Variants in TCF7L1 observed in about 807,000 individuals in gnomAD.
TCF7L1 encodes the protein transcription factor 7-like 1.
TCF7L1 carries 18 observed loss-of-function variants against 63.7 expected under a neutral mutation model. The observed-to-expected ratio is 0.28, with a 90% CI of 0.20 to 0.42. The LOEUF is 0.42. Ranked by LOEUF, TCF7L1 falls within the 10% of genes least tolerant of loss-of-function variation. TCF7L1 has a pLI of 1.00. For missense variants in TCF7L1, 654 were observed against 779.3 expected (o/e 0.84, Z 1.91); for synonymous variants, 355 against 340.9 (o/e 1.04, Z -0.46).
At position 85,254,565 on chromosome 2, in the gene TCF7L1, G is replaced by A. The variant is rs558221519; in HGVS notation, c.442-28930G>A. Among the ~76,000 whole-genome samples, 11 of 152,280 alleles carry A rather than the reference G, an allele frequency of 7.2e-5. No homozygotes were observed. In the South Asian group the frequency reaches 8.3e-4, roughly 11 times the overall value. On this transcript the variant is annotated intron_variant, in intron 3 of 11. Coordinates refer to ENST00000282111, the MANE Select transcript of TCF7L1 (RefSeq NM_031283.3). Reference sequence around the variant, plus strand: ...TAGCAAAGGTAAACTCCAGCACCCCGATCCACATTAATGAGTTTTGCCTGT... The same window carrying A: ...TAGCAAAGGTAAACTCCAGCACCCCAATCCACATTAATGAGTTTTGCCTGT...
intron 8 of TCF7L1, 113 bp downstream of exon 8, chr2:85,305,516 G>A: frequency 1.5e-6 from 2 of 1,317,138 alleles, no homozygotes; most frequent in Middle Eastern, 2.6e-4. Flanking sequence ...CACTCAGCAG[G>A]CATCACAGCC....
intron 3 of TCF7L1, among the ~76,000 whole-genome samples, chr2:85,240,774 C>CT (rs1680302387): frequency 7.4e-6 from 1 of 134,918 alleles, no homozygotes; most frequent in Admixed American, 7.1e-5. Context: ...AGACTCTTGC[C>CT]TCAAAAAAAA....
intron 3 of TCF7L1, among the ~76,000 whole-genome samples, chr2:85,252,694 A>T (rs879487357): frequency 7.9e-5 from 12 of 152,222 alleles, no homozygotes; most frequent in Non-Finnish European, 1.5e-4. Context: ...ATCAGAGTAG[A>T]GTAAGTGTGT....
intron 3 of TCF7L1, among the ~76,000 whole-genome samples, chr2:85,243,761 C>T (rs1379210345): frequency 6.6e-6 from 1 of 152,158 alleles, no homozygotes; most frequent in Non-Finnish European, 1.5e-5. Context: ...GAGCCATCCA[C>T]TACGTGCCAG....
intron 3 of TCF7L1, among the ~76,000 whole-genome samples, chr2:85,138,600 G>T (rs1677650047): frequency 6.6e-6 from 1 of 152,138 alleles, no homozygotes; most frequent in Non-Finnish European, 1.5e-5. Context: ...CCCTTGGATT[G>T]CTGGGGTGAT....
Position 85,309,144 on chromosome 2 carries a change from T to A in TCF7L1, c.1449T>A (p.Ser483=), listed in dbSNP as rs764181624. The A allele has an allele frequency of 1.2e-5, 20 of 1,611,920 alleles. 1 individual carries two copies. In the South Asian group the frequency reaches 2.2e-4, roughly 18 times the overall value. The change falls in exon 12 of 12, where the codon TCT becomes TCA. Residue 483 remains serine, a synonymous_variant. Transcript: ENST00000282111. ...GSMLDSPATP[S]AALASPAAPA... is the part of the protein sequence containing the mutation. ...TGCTGGACTCCCCGGCCACTCCCTC[T>A]GCAGCTTTGGCCTCACCAGCTGCCC...
chr2:85,265,106 G>C (rs1680937029), intron 3 of TCF7L1, among the ~76,000 whole-genome samples: 1 of 152,284 alleles, frequency 6.6e-6, no homozygotes, highest in Middle Eastern at 3.4e-3. Flanking sequence ...TGTTTAATGG[G>C]TAAGTGGGTG....
At chr2:85,237,054 G>A (rs1475710362) in intron 3 of TCF7L1, among the ~76,000 whole-genome samples, 1 of 152,186 alleles carries the variant, frequency 6.6e-6, no homozygotes, top group Non-Finnish European at 1.5e-5. Flanking sequence ...CAGGAGAGGT[G>A]CTTTTTAGAC....
Position 85,302,600 on chromosome 2 carries a change from G to C in TCF7L1, c.642G>C (p.Glu214Asp), listed in dbSNP as rs1486052719. ...CCCCTCCCACCCACCTCTCCCCAGA[G>C]ATCGATCCAAAGACAGGTAAGTCGT... ...PGSPPTHLSP[E>D]IDPKTGIPRP... The change falls in exon 5 of 12, where the codon GAG (glutamate) becomes GAC (aspartate). Residue 214 changes from glutamate (E) to aspartate (D), a missense_variant. Glu to Asp is a conservative substitution (Grantham distance 45). Coordinates refer to ENST00000282111, the MANE Select transcript of TCF7L1 (RefSeq NM_031283.3). 6.9e-7 allele frequency: 1 copy of C among 1,442,930 alleles called. No homozygotes were observed. 89.4% of individuals were successfully genotyped at this position (1,442,930 alleles called of 1,614,324 possible).
At chr2:85,192,101 G>A (rs1679047077) in intron 3 of TCF7L1, among the ~76,000 whole-genome samples, 1 of 152,236 alleles carries the variant, frequency 6.6e-6, no homozygotes, top group African/African-American at 2.4e-5. Context: ...TGTGCCTGAT[G>A]GCAGGTGCAG....
chr2:85,305,169 C>T (rs914898252), intron 7 of TCF7L1, 91 bp from the exon 8 acceptor site: 26 of 1,569,742 alleles, frequency 1.7e-5, no homozygotes, highest in Non-Finnish European at 4.4e-6. Flanking sequence ...ATGCCTGTGC[C>T]CTTAAGGCAG....
rs34769307 is a variant in TCF7L1 at position 85,227,992 on chromosome 2, C to CAAAAA, written c.442-55483_442-55479dup. 6.3e-5 allele frequency among the ~76,000 whole-genome samples: 5 copies of CAAAAA among 79,556 alleles called. No homozygotes were observed. In the Admixed American group the frequency reaches 7.5e-4, roughly 12 times the overall value. 52.2% of individuals were successfully genotyped at this position (79,556 alleles called of 152,430 possible). On this transcript the variant is annotated intron_variant, in intron 3 of 11. Coordinates refer to ENST00000282111, the MANE Select transcript of TCF7L1 (RefSeq NM_031283.3). Reference sequence around the variant, plus strand: ...GAGTGACAGAGCAAGACCCTGTCTCCAAAAAAAAAAAAAAAAAAAAAAAAT... The same window carrying CAAAAA: ...GAGTGACAGAGCAAGACCCTGTCTCCAAAAAAAAAAAAAAAAAAAAAAAAAAAAAT...
At chr2:85,264,906 G>A (rs1047335272) in intron 3 of TCF7L1, among the ~76,000 whole-genome samples, 2 of 152,208 alleles carry the variant, frequency 1.3e-5, no homozygotes, top group Non-Finnish European at 2.9e-5. Context: ...GGAAACTTGT[G>A]TGGGCATTTC....
In TCF7L1 at chr2:85,134,303, C is replaced by G; in HGVS notation, c.314-20C>G. The G allele has an allele frequency of 1.9e-6, 3 of 1,571,828 alleles. No individual in the cohort carries two copies. The highest frequency in any genetic ancestry group is 2.6e-6 in the Non-Finnish European group (3 of 1,158,160). ...AGTCCCGGGGGCCTGGGCCTCACCTCGCCTTGGTCTTGTTCGCAGTGAGAA... is the reference window on the plus strand; with the variant it reads ...AGTCCCGGGGGCCTGGGCCTCACCTGGCCTTGGTCTTGTTCGCAGTGAGAA... On this transcript the variant is annotated intron_variant, in intron 2 of 11. Coordinates refer to ENST00000282111, the MANE Select transcript of TCF7L1 (RefSeq NM_031283.3). The surrounding 1 kb of genome is among the most constrained non-coding windows in gnomAD (Gnocchi z 5.0).
At chr2:85,153,363 A>G (rs954788158) in intron 3 of TCF7L1, among the ~76,000 whole-genome samples, 2 of 19,398 alleles carry the variant, frequency 1.0e-4, no homozygotes, top group Non-Finnish European at 2.0e-4. Context: ...TTTTTTTGAG[A>G]TGGAGTCTTG....
chr2:85,307,976 T>C (rs1379779615), intron 11 of TCF7L1, among the ~76,000 whole-genome samples: 1 of 152,176 alleles, frequency 6.6e-6, no homozygotes, highest in Non-Finnish European at 1.5e-5. Context: ...TCTAATTCCA[T>C]TGAAAAGTGA....
At chr2:85,181,428 A>G (rs2568201) in intron 3 of TCF7L1, among the ~76,000 whole-genome samples, 61,495 of 152,118 alleles carry the variant, frequency 0.4, 13,104 homozygotes, top group African/African-American at 0.52. Context: ...CCTGCTGGGC[A>G]TGGGCCCGCC....
intron 3 of TCF7L1, among the ~76,000 whole-genome samples, chr2:85,196,794 A>G (rs1233967079): frequency 6.6e-6 from 1 of 152,186 alleles, no homozygotes; most frequent in Non-Finnish European, 1.5e-5. Flanking sequence ...GAATTTATAC[A>G]TGGGAAACCA....
chr2:85,286,496 G>A (rs958612878), intron 4 of TCF7L1, among the ~76,000 whole-genome samples: 1 of 152,082 alleles, frequency 6.6e-6, no homozygotes, highest in Non-Finnish European at 1.5e-5. Flanking sequence ...GGGCAACATG[G>A]TGAGATCTCT....
Sources: gnomAD v4.1 joint callset for allele counts (sites outside exome capture counted in the v4.1 genomes callset) on GRCh38, gnomAD v4.1.1 for gene constraint, Gnocchi (gnomAD v3.1) non-coding constraint, MANE v1.5 for transcripts, NCBI Gene and HGNC (gene_info 2026-07-23, HGNC 2026-07-21) for gene names.